Variants in MTA3 observed in about 807,000 individuals in gnomAD.
MTA3 encodes the protein metastasis-associated protein MTA3.
A neutral mutation model predicts 83.5 loss-of-function variants in MTA3; 34 were observed. The observed-to-expected ratio is 0.41, with a 90% CI of 0.31 to 0.54. The LOEUF (loss-of-function observed/expected upper bound fraction) is 0.54, where lower values mean the gene tolerates loss of function less well. MTA3 is among the 20% of genes least tolerant of loss of function. The pLI, the probability that MTA3 is intolerant of heterozygous loss-of-function variation, is 0.33. For synonymous variants in MTA3, 303 were observed against 252.7 expected (o/e 1.20, Z -1.89); for missense variants, 761 against 726.4 (o/e 1.05, Z -0.55).
intron 4 of MTA3, among the ~76,000 whole-genome samples, chr2:42,625,057 A>T (rs1685940833): frequency 6.6e-6 from 1 of 151,910 alleles, no homozygotes; most frequent in Admixed American, 6.6e-5. Context: ...TTTGAGATGG[A>T]GTCTTGCTTT....
chr2:42,729,927 A>G (rs747383750), intron 16 of MTA3, among the ~76,000 whole-genome samples: 5 of 152,226 alleles, frequency 3.3e-5, no homozygotes, highest in Non-Finnish European at 5.9e-5. Flanking sequence ...ATCCATGAAT[A>G]TGGGATATCT....
chr2:42,699,745 G>C (rs907636073), intron 11 of MTA3, among the ~76,000 whole-genome samples: 1 of 152,118 alleles, frequency 6.6e-6, no homozygotes, highest in African/African-American at 2.4e-5. Flanking sequence ...AGGTCATTTT[G>C]AGTTTATCAG....
Position 42,756,561 on chromosome 2 carries a change from G to A in MTA3, c.*3162G>A. 3.0e-6 allele frequency: 3 copies of A among 985,880 alleles called. No individual in the cohort carries two copies. The highest frequency in any genetic ancestry group is 4.7e-5 in the South Asian group (1 of 21,292). 61.1% of individuals were successfully genotyped at this position (985,880 alleles called of 1,614,324 possible). The stretch of plus-strand genomic sequence containing the variant: ...TCCTAAGTCCCTGGCGAGGGGAGGT[G>A]GAGGAGCTGCCCCGTGGGTGTTTGG... On this transcript the variant is annotated 3_prime_UTR_variant, in exon 17 of 17. Coordinates refer to ENST00000405094, the MANE Select transcript of MTA3 (RefSeq NM_001330442.2).
intron 8 of MTA3, among the ~76,000 whole-genome samples, chr2:42,666,246 C>T (rs1198988518): frequency 6.6e-6 from 1 of 152,162 alleles, no homozygotes; most frequent in African/African-American, 2.4e-5. Flanking sequence ...CACTGCACTC[C>T]AGCCTGGGTG....
intron 5 of MTA3, among the ~76,000 whole-genome samples, chr2:42,641,208 GTTTTTTT>G (rs1165358003): frequency 1.5e-5 from 2 of 131,752 alleles, no homozygotes; most frequent in Non-Finnish European, 3.3e-5. Context: ...TGCCTGGCCG[GTTTTTTT>G]TTTTTTTTTT....
At chr2:42,673,734 C>T (rs1012093437) in intron 8 of MTA3, among the ~76,000 whole-genome samples, 1 of 152,180 alleles carries the variant, frequency 6.6e-6, no homozygotes, top group African/African-American at 2.4e-5. Flanking sequence ...TGATTTGTGG[C>T]ATCCCAAATC....
At chr2:42,715,893 T>A (rs971613819) in intron 14 of MTA3, among the ~76,000 whole-genome samples, 2 of 152,228 alleles carry the variant, frequency 1.3e-5, no homozygotes, top group Non-Finnish European at 2.9e-5. Flanking sequence ...CCAAGATGAC[T>A]CATTCCAGCT....
At chr2:42,501,254 G>T (rs1458096601) in intron 2 of MTA3, among the ~76,000 whole-genome samples, 1 of 152,176 alleles carries the variant, frequency 6.6e-6, no homozygotes, top group East Asian at 1.9e-4. Flanking sequence ...TTTATAAGAT[G>T]CATTATGCAT....
Position 42,504,340 on chromosome 2 carries a change from C to T in MTA3, c.-141+9086C>T, listed in dbSNP as rs1438066816. Reference sequence around the variant, plus strand: ...CTACAACTTCCACCTCCCAGGTTCACGTGATTCTCCTGTCTCAGCCTCCCG... The same window carrying T: ...CTACAACTTCCACCTCCCAGGTTCATGTGATTCTCCTGTCTCAGCCTCCCG... On this transcript the variant is annotated intron_variant, in intron 2 of 17. Transcript: ENST00000405592. 2.0e-5 allele frequency among the ~76,000 whole-genome samples: 3 copies of T among 151,842 alleles called. No homozygotes were observed. The East Asian group carries it at 5.8e-4, about 29-fold the overall frequency.
At chr2:42,739,764 T>G (rs1216326727) in intron 16 of MTA3, among the ~76,000 whole-genome samples, 1 of 152,252 alleles carries the variant, frequency 6.6e-6, no homozygotes, top group Non-Finnish European at 1.5e-5. Context: ...TTATGTAATA[T>G]TCTAAGTCCT....
At chr2:42,734,557 G>A (rs563048814) in intron 16 of MTA3, among the ~76,000 whole-genome samples, 17 of 126,902 alleles carry the variant, frequency 1.3e-4, no homozygotes, top group African/African-American at 4.1e-4. Context: ...CAGTGTTATT[G>A]TTGATAAGTA....
intron 2 of MTA3, among the ~76,000 whole-genome samples, chr2:42,513,005 T>C (rs1391863876): frequency 6.6e-6 from 1 of 152,180 alleles, no homozygotes; most frequent in Non-Finnish European, 1.5e-5. Flanking sequence ...ACTGTGAAAA[T>C]GCAAGGTCTA....
At chr2:42,745,281 C>T (rs1259741488) in intron 16 of MTA3, among the ~76,000 whole-genome samples, 4 of 152,154 alleles carry the variant, frequency 2.6e-5, no homozygotes, top group Admixed American at 1.3e-4. Context: ...AGACCCTTTC[C>T]GTAATGTTCT....
intron 16 of MTA3, among the ~76,000 whole-genome samples, chr2:42,750,097 T>G (rs896479190): frequency 6.6e-6 from 1 of 152,150 alleles, no homozygotes; most frequent in African/African-American, 2.4e-5. Flanking sequence ...GTTCAAGCGA[T>G]TCTCCTGCCT....
chr2:42,667,475 C>T (rs1690328733), intron 8 of MTA3, among the ~76,000 whole-genome samples: 1 of 151,842 alleles, frequency 6.6e-6, no homozygotes, highest in African/African-American at 2.4e-5. Context: ...CTCTCAGTAT[C>T]TCATAAGTTT....
At chr2:42,676,869 AAAT>A (rs1691409590) in intron 8 of MTA3, among the ~76,000 whole-genome samples, 1 of 152,360 alleles carries the variant, frequency 6.6e-6, no homozygotes, top group African/African-American at 2.4e-5. Context: ...AAGGTTTAAA[AAAT>A]AATTGTTTAT....
chr2:42,495,012 T>A (rs1043817210), intron 1 of MTA3: 1 of 152,466 alleles, frequency 6.6e-6, no homozygotes, highest in African/African-American at 2.4e-5. Flanking sequence ...GACAGGTGAG[T>A]TGTAAGGCGA....
intron 16 of MTA3, among the ~76,000 whole-genome samples, chr2:42,753,129 T>C (rs1318498410): frequency 6.6e-6 from 1 of 152,170 alleles, no homozygotes; most frequent in Non-Finnish European, 1.5e-5. Flanking sequence ...AGAGTGATGC[T>C]ATGTCGTCCA....
intron 2 of MTA3, among the ~76,000 whole-genome samples, chr2:42,508,488 T>C (rs2103661099): frequency 6.6e-6 from 1 of 152,046 alleles, no homozygotes; most frequent in South Asian, 2.1e-4. Context: ...TGTGACACTA[T>C]GCCCTGCTAA....
Sources: allele counts gnomAD v4.1 joint callset (sites outside exome capture counted in the v4.1 genomes callset), GRCh38; gene constraint gnomAD v4.1.1; transcripts MANE v1.5; gene names NCBI Gene and HGNC (gene_info 2026-07-23, HGNC 2026-07-21).